Variants in WDFY2 observed in about 807,000 individuals in gnomAD.
WDFY2 encodes the protein WD repeat and FYVE domain-containing protein 2.
WDFY2 carries 36 observed loss-of-function variants against 56.4 expected under a neutral mutation model. The observed-to-expected ratio is 0.64, with a 90% confidence interval of 0.49 to 0.84. The LOEUF is 0.84. Ranked by LOEUF, WDFY2 falls within the 40% of genes least tolerant of loss-of-function variation. WDFY2 has a pLI of 0.00. For synonymous variants in WDFY2, 176 were observed against 183.7 expected (o/e 0.96, Z 0.34); for missense variants, 444 against 512.2 (o/e 0.87, Z 1.29).
rs190567105 is a variant in WDFY2, at chr13:51,755,746, G to A, written c.933+287G>A. 1.9e-3 allele frequency among the ~76,000 whole-genome samples: 291 copies of A among 152,228 alleles called. 2 individuals are homozygous for A. The highest frequency in any genetic ancestry group is 6.8e-3 in the Middle Eastern group (2 of 294). ...CAATTAGAGGTGTCATGCTTAGTTC[G>A]TATGGAAACCAGACCATGAAATTAT... On this transcript the variant is annotated intron_variant, in intron 9 of 11. Coordinates refer to ENST00000298125, the MANE Select transcript of WDFY2 (RefSeq NM_052950.4).
chr13:51,649,652 A>G (rs941991717), intron 1 of WDFY2, among the ~76,000 whole-genome samples: 9 of 142,684 alleles, frequency 6.3e-5, no homozygotes, highest in South Asian at 2.2e-4. Flanking sequence ...TCGTTGTTCA[A>G]TTCCCACCTA....
Position 51,653,539 on chromosome 13 carries a change from A to G in WDFY2, c.138-7057A>G, listed in dbSNP as rs531381752. On this transcript the variant is annotated intron_variant, in intron 1 of 11. Transcript: ENST00000298125. ...TTTCCCCATCTTTGTGGTTTTGTCT[A>G]CCTTTGTTCTTTGATGATGGTGACG... 1.3e-3 allele frequency among the ~76,000 whole-genome samples: 195 copies of G among 151,886 alleles called. 1 individual carries two copies. The highest frequency in any genetic ancestry group is 4.5e-3 in the African/African-American group (185 of 41,414).
intron 1 of WDFY2, chr13:51,590,302 TC>T (rs1199324821): frequency 6.6e-6 from 1 of 152,182 alleles, no homozygotes; most frequent in Non-Finnish European, 1.5e-5. Flanking sequence ...TAGGTAAAAA[TC>T]ATAGGATTTA....
chr13:51,645,307 C>T (rs1335089455), intron 1 of WDFY2, among the ~76,000 whole-genome samples: 2 of 152,074 alleles, frequency 1.3e-5, no homozygotes, highest in Non-Finnish European at 2.9e-5. Context: ...CTTCAAAACC[C>T]AGTGGGCTTC....
chr13:51,585,607 G>A (rs1953921850), intron 1 of WDFY2, among the ~76,000 whole-genome samples: 1 of 152,206 alleles, frequency 6.6e-6, no homozygotes, highest in Admixed American at 6.5e-5. Flanking sequence ...GAATATGCAG[G>A]AATAAAGCTG....
At chr13:51,608,961 A>G (rs1468776071) in intron 1 of WDFY2, among the ~76,000 whole-genome samples, 1 of 151,904 alleles carries the variant, frequency 6.6e-6, no homozygotes, top group Non-Finnish European at 1.5e-5. Context: ...TACAAATATC[A>G]TTGGCTGTCA....
chr13:51,757,457 GA>G (rs34923461), intron 10 of WDFY2, among the ~76,000 whole-genome samples: 134 of 137,494 alleles, frequency 9.7e-4, no homozygotes, highest in Middle Eastern at 7.1e-3. Flanking sequence ...TAGAAAAAAG[GA>G]AAAAAAAAAA....
chr13:51,647,438 C>T (rs1437141689), intron 1 of WDFY2, among the ~76,000 whole-genome samples: 5 of 152,006 alleles, frequency 3.3e-5, no homozygotes, highest in Non-Finnish European at 7.4e-5. Flanking sequence ...ACATAAAAAG[C>T]GTAAGGTAAA....
intron 2 of WDFY2, among the ~76,000 whole-genome samples, chr13:51,663,413 A>G (rs555590346): frequency 1.3e-5 from 2 of 152,312 alleles, no homozygotes; most frequent in South Asian, 2.1e-4. Flanking sequence ...CAAGATGTAT[A>G]TGGTCAAGAT....
At chr13:51,742,616 A>G (rs1953000356) in intron 7 of WDFY2, among the ~76,000 whole-genome samples, 4 of 152,090 alleles carry the variant, frequency 2.6e-5, no homozygotes, top group Non-Finnish European at 5.9e-5. Flanking sequence ...TAATACTGTC[A>G]TTTCTTGACC....
At chr13:51,624,588 G>A (rs895994184) in intron 1 of WDFY2, among the ~76,000 whole-genome samples, 2 of 152,138 alleles carry the variant, frequency 1.3e-5, no homozygotes, top group African/African-American at 2.4e-5. Context: ...GGGAAAATAC[G>A]TAATAAGCAA....
intron 6 of WDFY2, among the ~76,000 whole-genome samples, chr13:51,737,910 G>A (rs1056409235): frequency 5.3e-5 from 8 of 152,188 alleles, no homozygotes; most frequent in African/African-American, 1.9e-4. Flanking sequence ...TGCAGGTTTA[G>A]GAAGACGCTA....
intron 6 of WDFY2, among the ~76,000 whole-genome samples, chr13:51,728,276 A>G (rs949446498): frequency 5.3e-5 from 8 of 152,216 alleles, no homozygotes; most frequent in Admixed American, 6.5e-5. Context: ...TTCCTCTCCA[A>G]CTTTCCTTCC....
chr13:51,642,400 AC>A (rs1157291098), intron 1 of WDFY2, among the ~76,000 whole-genome samples: 1 of 149,400 alleles, frequency 6.7e-6, no homozygotes, highest in Non-Finnish European at 1.5e-5. Flanking sequence ...TAATCCTCCC[AC>A]CCCAGCCTCC....
intron 7 of WDFY2, among the ~76,000 whole-genome samples, chr13:51,739,534 G>T (rs1952917907): frequency 6.6e-6 from 1 of 152,078 alleles, no homozygotes. Context: ...TTATATAATT[G>T]AGTTCAAATG....
At chr13:51,610,880 TG>T (rs1304379706) in intron 1 of WDFY2, among the ~76,000 whole-genome samples, 1 of 152,214 alleles carries the variant, frequency 6.6e-6, no homozygotes, top group Non-Finnish European at 1.5e-5. Context: ...CATCTGGAAT[TG>T]GGGGGAGAAA....
chr13:51,681,722 G>A (rs1411608521), intron 3 of WDFY2, among the ~76,000 whole-genome samples: 1 of 152,018 alleles, frequency 6.6e-6, no homozygotes, highest in Non-Finnish European at 1.5e-5. Flanking sequence ...AATACTATAG[G>A]TGTGGAGCTA....
At chr13:51,598,364 A>C (rs1954194679) in intron 1 of WDFY2, 1 of 152,268 alleles carries the variant, frequency 6.6e-6, no homozygotes, top group Non-Finnish European at 1.5e-5. Context: ...GTCTCAAAAA[A>C]AGATAAAAAT....
intron 1 of WDFY2, among the ~76,000 whole-genome samples, chr13:51,608,154 A>G (rs1372764229): frequency 6.6e-6 from 1 of 152,204 alleles, no homozygotes; most frequent in East Asian, 1.9e-4. Context: ...AAGATAATAT[A>G]TTTGTGTTGT....
Sources: allele counts gnomAD v4.1 joint callset (sites outside exome capture counted in the v4.1 genomes callset), GRCh38; gene constraint gnomAD v4.1.1; transcripts MANE v1.5; gene names NCBI Gene and HGNC (gene_info 2026-07-23, HGNC 2026-07-21).